HSPG2: variants seen among roughly 807,000 people sequenced by gnomAD.
HSPG2 encodes heparan sulfate proteoglycan 2, also known as basement membrane-specific heparan sulfate proteoglycan core protein.
In HSPG2, 278 loss-of-function variants were observed where a neutral mutation model predicts 526.6. That is an observed-to-expected ratio of 0.53 (90% CI 0.48 to 0.58). HSPG2 has a LOEUF of 0.58. Among genes scored for constraint, HSPG2 ranks in the 20% least tolerant of loss-of-function variants. HSPG2 has a pLI of 0.00. For missense variants in HSPG2, 5,354 were observed against 6,099.5 expected (o/e 0.88, Z 4.07); for synonymous variants, 2,465 against 2,555.4 (o/e 0.96, Z 1.07).
At position 21,839,471 on chromosome 1, in the gene HSPG2, G is replaced by T. The variant is rs137921473; in HGVS notation, c.9789C>A (p.Leu3263=). Residue 3263 remains leucine (L), a synonymous_variant, in exon 73 of 97, where the codon CTC becomes CTA. Coordinates refer to ENST00000374695, the MANE Select transcript of HSPG2 (RefSeq NM_005529.7). This position sits in a 1 kb window ranked among gnomAD's most constrained non-coding sequence, Gnocchi z 4.5. ...CCTGCTGGGCTACCCGGGGTATGATGAGTGTGTCACCTTCCAGCCGGTGCT... is the reference window on the plus strand; with the variant it reads ...CCTGCTGGGCTACCCGGGGTATGATTAGTGTGTCACCTTCCAGCCGGTGCT... ...PWQHRLEGDT[L]IIPRVAQQDS... is the part of the protein sequence containing the mutation. The T allele has an allele frequency of 4.3e-4, 693 of 1,614,096 alleles. 3 individuals are homozygous for T. In the African/African-American group the frequency reaches 7.8e-3, roughly 18 times the overall value.
At chr1:21,881,613 T>A in intron 13 of HSPG2, 111 bp from the exon 14 acceptor site, 1 of 1,063,342 alleles carries the variant, frequency 9.4e-7, no homozygotes, top group Non-Finnish European at 1.4e-6. Flanking sequence ...AAATTTGATT[T>A]CGAGAAAACT....
rs1430283092 is a variant in HSPG2 at position 21,860,166 on chromosome 1, G to C, written c.5014+11C>G. ...CCCATCGTCCCCATCCTGGGCCATG[G>C]TCCCACTTACTCTCTGGCAGGCACT... On this transcript the variant is annotated intron_variant, in intron 40 of 96. Transcript: ENST00000374695. 3 of 1,613,726 alleles carry C rather than the reference G, an allele frequency of 1.9e-6. No homozygotes were observed. Among genetic ancestry groups the C allele is most frequent in the Non-Finnish European group, 2.5e-6 (3 of 1,179,794 alleles).
chr1:21,881,486 C>T lies in HSPG2; in HGVS notation c.1671G>A (p.Met557Ile). 3 of 1,612,182 alleles carry T rather than the reference C, an allele frequency of 1.9e-6. No individual in the cohort carries two copies. Among genetic ancestry groups the T allele is most frequent in the Non-Finnish European group, 2.5e-6 (3 of 1,179,920 alleles). Reference protein sequence around the residue: ...PDDFKGVNVTMPAQPGTPPLS... With the variant: ...PDDFKGVNVTIPAQPGTPPLS... ...GGGGTGGCGTGCCGGGCTGCGCAGG[C>T]ATTGTCACATTCACACCTGTGGGTG... Residue 557 changes from methionine (M) to isoleucine (I), a missense_variant, in exon 14 of 97, where the codon ATG (methionine) becomes ATA (isoleucine). By Grantham distance (10) the Met-to-Ile change is conservative (BLOSUM62 1). Transcript: ENST00000374695.
At chr1:21,881,536 G>A (rs1572347724) in intron 13 of HSPG2, 34 bp from the exon 14 acceptor site, 1 of 1,572,878 alleles carries the variant, frequency 6.4e-7, no homozygotes, top group Non-Finnish European at 8.7e-7. Context: ...GAGGGCTGCA[G>A]CCTGGGCCTG....
chr1:21,909,307 G>A (rs1249779194), intron 1 of HSPG2, among the ~76,000 whole-genome samples: 1 of 152,132 alleles, frequency 6.6e-6, no homozygotes, highest in Non-Finnish European at 1.5e-5. Flanking sequence ...AGAAATATAA[G>A]AAAAACTCAG....
intron 86 of HSPG2, 80 bp downstream of exon 86, chr1:21,829,913 C>T (rs1409840047): frequency 3.4e-6 from 4 of 1,164,476 alleles, no homozygotes; most frequent in Non-Finnish European, 5.0e-6. Flanking sequence ...CCGTAGGGCC[C>T]ATCATGGCCT....
rs758171238 is a variant in HSPG2, at chr1:21,846,252, G to T, written c.8320C>A (p.Arg2774Ser). The change falls in exon 64 of 97, where the codon CGC becomes AGC. Residue 2774 changes from arginine to serine, a missense_variant. Physicochemically the swap from Arg to Ser is moderately radical, Grantham distance 110 (BLOSUM62 -1). Transcript: ENST00000374695. ...TGGTGCAGCCGCAGCCGTGAGCCGC[G>T]GGTCTGAATAGGGGACAGGACAGAG... Reference protein sequence around the residue: ...GGSLPSHHQTRGSRLRLHHVS... With the variant: ...GGSLPSHHQTSGSRLRLHHVS... The T allele has an allele frequency of 7.4e-6, 12 of 1,613,074 alleles. 1 individual carries two copies. In the South Asian group the frequency reaches 1.1e-4, roughly 15 times the overall value.
chr1:21,864,896 G>C lies in HSPG2; in HGVS notation c.4573C>G (p.Leu1525Val). Reference sequence around the variant, plus strand: ...GGGCAGCGGCACTCCTCCACCTCGAGGGCGCGGGGTCTGTTTGAGGGCCCC... The same window carrying C: ...GGGCAGCGGCACTCCTCCACCTCGACGGCGCGGGGTCTGTTTGAGGGCCCC... The part of the protein sequence containing the change: ...QPGPSNRPRA[L>V]EVEECRCPPG... Residue 1525 changes from leucine (L) to valine (V), a missense_variant, in exon 36 of 97, where the codon CTC (leucine) becomes GTC (valine). Coordinates refer to ENST00000374695, the MANE Select transcript of HSPG2 (RefSeq NM_005529.7). The surrounding 1 kb of genome is among the most constrained non-coding windows in gnomAD (Gnocchi z 4.8). 6.2e-7 allele frequency: 1 copy of C among 1,610,542 alleles called. No individual in the cohort carries two copies. Among genetic ancestry groups the C allele is most frequent in the Non-Finnish European group, 8.5e-7 (1 of 1,179,490 alleles).
intron 33 of HSPG2, chr1:21,870,130 C>T (rs1312755450): frequency 7.3e-6 from 4 of 551,332 alleles, no homozygotes; most frequent in South Asian, 7.8e-5. Flanking sequence ...GGAGTCTTCG[C>T]TCAGGTGCCT....
Position 21,831,610 on chromosome 1 carries a change from C to G in HSPG2, c.11352+42G>C, listed in dbSNP as rs560004423. The G allele has an allele frequency of 5.0e-6, 8 of 1,613,150 alleles. 1 individual carries two copies. The highest frequency in any genetic ancestry group is 6.8e-6 in the Non-Finnish European group (8 of 1,179,544). On this transcript the variant is annotated intron_variant, in intron 82 of 96. Coordinates refer to ENST00000374695, the MANE Select transcript of HSPG2 (RefSeq NM_005529.7). ...AATGGCAACAGAGGCTGGGCAAGGG[C>G]GGGATGAGGGCTGGAAGTAGCAGTA...
intron 1 of HSPG2, among the ~76,000 whole-genome samples, chr1:21,934,501 G>A (rs1258614067): frequency 6.6e-6 from 1 of 152,168 alleles, no homozygotes; most frequent in Non-Finnish European, 1.5e-5. Flanking sequence ...AGGCATGATG[G>A]CTTATGCCTG....
At chr1:21,842,197 G>A in intron 68 of HSPG2, 42 bp downstream of exon 68, 2 of 1,612,814 alleles carry the variant, frequency 1.2e-6, no homozygotes, top group Non-Finnish European at 1.7e-6. Context: ...TAGCTTCAGG[G>A]CCCTCCCTTC....
intron 91 of HSPG2, chr1:21,825,327 C>A (rs138119196): frequency 1.2e-5 from 2 of 171,148 alleles, no homozygotes; most frequent in Admixed American, 1.1e-4. Context: ...TCGGGTGACC[C>A]GCCATTCTAC....
intron 1 of HSPG2, among the ~76,000 whole-genome samples, chr1:21,921,545 T>G (rs1296803452): frequency 2.0e-5 from 3 of 152,258 alleles, no homozygotes; most frequent in African/African-American, 7.2e-5. Context: ...GCTGCCACAT[T>G]AAAGCAGGGA....
chr1:21,936,514 A>C (rs537099707), intron 1 of HSPG2, among the ~76,000 whole-genome samples: 59 of 152,152 alleles, frequency 3.9e-4, no homozygotes, highest in African/African-American at 1.4e-3. Flanking sequence ...AGTTCCCTTG[A>C]CCCACGTGGG....
chr1:21,827,549 G>A (rs1283655566), intron 91 of HSPG2, among the ~76,000 whole-genome samples: 1 of 152,232 alleles, frequency 6.6e-6, no homozygotes, highest in Non-Finnish European at 1.5e-5. Flanking sequence ...TCTTGGGAAT[G>A]AGGGTCTTGC....
chr1:21,855,024 G>A, intron 47 of HSPG2, 41 bp from the exon 48 acceptor site: 2 of 1,606,650 alleles, frequency 1.2e-6, no homozygotes, highest in Non-Finnish European at 1.7e-6. Context: ...AGAGGCAGCT[G>A]GACAACGGCT....
chr1:21,888,689 C>T (rs760136461), intron 6 of HSPG2: 3 of 1,365,576 alleles, frequency 2.2e-6, no homozygotes, highest in Non-Finnish European at 2.9e-6. Context: ...GCGACCGCCA[C>T]AGCGGCCGGC....
In HSPG2 at chr1:21,828,367, G is replaced by A. The variant is rs553392857; in HGVS notation, c.12297C>T (p.Ile4099=). The A allele has an allele frequency of 1.1e-5, 18 of 1,613,844 alleles. No homozygotes were observed. The highest frequency in any genetic ancestry group is 1.6e-4 in the Middle Eastern group (1 of 6,062). ...LTYSFLGSQG[I]GQCYDSSPCE... ...ATGGGGAGCTATCATAGCATTGCCC[G>A]ATGCCCTGGCTGCCTAGGAAACTGT... Residue 4099 remains isoleucine (I), a synonymous_variant, in exon 89 of 97, where the codon ATC becomes ATT. Coordinates refer to ENST00000374695, the MANE Select transcript of HSPG2 (RefSeq NM_005529.7). This position sits in a 1 kb window ranked among gnomAD's most constrained non-coding sequence, Gnocchi z 6.0.
Sources: gnomAD v4.1 joint callset for allele counts (sites outside exome capture counted in the v4.1 genomes callset) on GRCh38, gnomAD v4.1.1 for gene constraint, Gnocchi (gnomAD v3.1) non-coding constraint, MANE v1.5 for transcripts, NCBI Gene and HGNC (gene_info 2026-07-23, HGNC 2026-07-21) for gene names.